The following PDZRN4 variants were observed in gnomAD, a reference collection of about 807,000 sequenced individuals.
The protein encoded by PDZRN4 is PDZ domain-containing RING finger protein 4.
In PDZRN4, 70 loss-of-function variants were observed where a neutral mutation model predicts 99.0. That is an observed-to-expected ratio of 0.71 (90% confidence interval 0.58 to 0.86). PDZRN4 has a LOEUF of 0.86. Ranked by LOEUF, PDZRN4 falls within the 40% of genes least tolerant of loss-of-function variation. PDZRN4 has a pLI of 0.00. For synonymous variants in PDZRN4, 551 were observed against 501.6 expected (o/e 1.10, Z -1.32); for missense variants, 1,474 against 1,331.2 (o/e 1.11, Z -1.67).
chr12:41,282,334 T>C (rs947780306), intron 3 of PDZRN4, among the ~76,000 whole-genome samples: 3 of 152,202 alleles, frequency 2.0e-5, no homozygotes, highest in African/African-American at 4.8e-5. Flanking sequence ...ATCCTAAATA[T>C]ATATGCACCC....
intron 3 of PDZRN4, among the ~76,000 whole-genome samples, chr12:41,332,840 G>T (rs1379141717): frequency 6.6e-6 from 1 of 151,192 alleles, no homozygotes; most frequent in African/African-American, 2.4e-5. Context: ...TCTGAAGTAT[G>T]TGGAACTGCA....
At chr12:41,322,236 G>A (rs112985823) in intron 3 of PDZRN4, among the ~76,000 whole-genome samples, 24,245 of 151,750 alleles carry the variant, frequency 0.16, 2,390 homozygotes, top group Non-Finnish European at 0.22. Context: ...TCACCCTGTT[G>A]GCTAGGCTGG....
intron 4 of PDZRN4, among the ~76,000 whole-genome samples, chr12:41,508,364 A>G (rs2120679407): frequency 6.6e-6 from 1 of 152,246 alleles, no homozygotes; most frequent in East Asian, 1.9e-4. Flanking sequence ...TGTGCTCCCA[A>G]GGCTCCTGTA....
chr12:41,457,939 A>G (rs1386620027), intron 3 of PDZRN4, among the ~76,000 whole-genome samples: 2 of 152,142 alleles, frequency 1.3e-5, no homozygotes, highest in Non-Finnish European at 2.9e-5. Flanking sequence ...CTTTCAGGCA[A>G]ATCATTATAT....
chr12:41,295,068 T>C (rs1200869689), intron 3 of PDZRN4, among the ~76,000 whole-genome samples: 1 of 152,152 alleles, frequency 6.6e-6, no homozygotes, highest in Non-Finnish European at 1.5e-5. Context: ...GGAGCAATCC[T>C]TTCAAATTTT....
rs1950987823 is a variant in PDZRN4, at chr12:41,225,537, T to C, written c.843+31349T>C. Among the ~76,000 whole-genome samples, 3 of 152,158 alleles carry C rather than the reference T, an allele frequency of 2.0e-5. No homozygotes were observed. The South Asian group carries it at 6.2e-4, about 32-fold the overall frequency. On this transcript the variant is annotated intron_variant, in intron 3 of 9. Transcript: ENST00000402685. ...AATTTAGTGCTTTATACTTAAATGC[T>C]TTTGTAATAATTTTTTAATTTAGCT...
chr12:41,203,279 G>A (rs956325408), intron 3 of PDZRN4, among the ~76,000 whole-genome samples: 8 of 152,012 alleles, frequency 5.3e-5, no homozygotes. Context: ...GATTGGCATA[G>A]AATCGCTACC....
chr12:41,193,688 A>G (rs1950751486), intron 2 of PDZRN4, among the ~76,000 whole-genome samples: 1 of 152,240 alleles, frequency 6.6e-6, no homozygotes, highest in South Asian at 2.1e-4. Context: ...CAAACCAGTT[A>G]TACAGTGGGA....
At chr12:41,219,260 T>G (rs1480835423) in intron 3 of PDZRN4, among the ~76,000 whole-genome samples, 1 of 151,980 alleles carries the variant, frequency 6.6e-6, no homozygotes, top group Non-Finnish European at 1.5e-5. Context: ...GGAAGAAGAC[T>G]GAGAAAGTTC....
intron 3 of PDZRN4, among the ~76,000 whole-genome samples, chr12:41,466,119 G>C (rs1952922565): frequency 6.6e-6 from 1 of 152,150 alleles, no homozygotes; most frequent in Non-Finnish European, 1.5e-5. Context: ...ATCCAGGCTA[G>C]AGGTTAAAAC....
chr12:41,489,529 A>G (rs985886745), intron 3 of PDZRN4, among the ~76,000 whole-genome samples: 4 of 152,148 alleles, frequency 2.6e-5, no homozygotes, highest in African/African-American at 7.2e-5. Context: ...ACTTACCTCT[A>G]TGTTTGGAAT....
rs936575990 is a variant in PDZRN4, at chr12:41,376,190, G to C, written c.844-130266G>C. On this transcript the variant is annotated intron_variant, in intron 3 of 9. Coordinates refer to ENST00000402685, the MANE Select transcript of PDZRN4 (RefSeq NM_001164595.2). ...TGTGAATAATGTGAACTGAACATGG[G>C]AGTGCTGGTATCTTTTCAACATACT... is the stretch of plus-strand genomic sequence containing the variant. Among the ~76,000 whole-genome samples, 19 of 152,236 alleles carry C rather than the reference G, an allele frequency of 1.2e-4. No homozygotes were observed. In the South Asian group the frequency reaches 3.5e-3, roughly 28 times the overall value.
chr12:41,448,586 G>T (rs1395810781), intron 3 of PDZRN4, among the ~76,000 whole-genome samples: 10 of 152,090 alleles, frequency 6.6e-5, no homozygotes, highest in Non-Finnish European at 1.5e-5. Context: ...AATACAAATT[G>T]AGTCAAAGAA....
chr12:41,355,043 T>C lies in PDZRN4; in HGVS notation c.844-151413T>C, dbSNP rs375033711. On this transcript the variant is annotated intron_variant, in intron 3 of 9. Coordinates refer to ENST00000402685, the MANE Select transcript of PDZRN4 (RefSeq NM_001164595.2). ...CACTGTTTAATCAAGAGTCTTGTTT[T>C]GCCACCGACTAAGTGTTTGCTTTGA... 2.0e-5 allele frequency among the ~76,000 whole-genome samples: 3 copies of C among 152,202 alleles called. No homozygotes were observed. In the South Asian group the frequency reaches 6.2e-4, roughly 32 times the overall value.
At chr12:41,459,916 T>G (rs754013161) in intron 3 of PDZRN4, 2 of 1,253,450 alleles carry the variant, frequency 1.6e-6, no homozygotes, top group Non-Finnish European at 2.0e-6. Context: ...GCTTTACTGT[T>G]TTGACTGAAG....
intron 3 of PDZRN4, among the ~76,000 whole-genome samples, chr12:41,384,996 A>T (rs1165449372): frequency 6.6e-6 from 1 of 152,194 alleles, no homozygotes; most frequent in African/African-American, 2.4e-5. Flanking sequence ...TGAATCCTAC[A>T]TTCTCAATTT....
intron 3 of PDZRN4, among the ~76,000 whole-genome samples, chr12:41,253,759 A>G (rs886984558): frequency 6.6e-6 from 1 of 152,212 alleles, no homozygotes; most frequent in African/African-American, 2.4e-5. Flanking sequence ...AGATAAATGG[A>G]TAAAGAAAAT....
intron 3 of PDZRN4, among the ~76,000 whole-genome samples, chr12:41,234,683 A>C (rs1317128015): frequency 1.3e-5 from 2 of 152,048 alleles, no homozygotes; most frequent in East Asian, 1.9e-4. Flanking sequence ...AAAAACCCTA[A>C]AGGACAACGT....
intron 3 of PDZRN4, among the ~76,000 whole-genome samples, chr12:41,209,511 A>G (rs1317498603): frequency 1.2e-5 from 1 of 86,900 alleles, no homozygotes; most frequent in Non-Finnish European, 2.2e-5. Flanking sequence ...CCCACCCCAC[A>G]ACAGGCCCCG....
Sources: allele counts gnomAD v4.1 joint callset (sites outside exome capture counted in the v4.1 genomes callset), GRCh38; gene constraint gnomAD v4.1.1; transcripts MANE v1.5; gene names NCBI Gene and HGNC (gene_info 2026-07-23, HGNC 2026-07-21).